IGF1R: variants seen among roughly 807,000 people sequenced by gnomAD.
IGF1R encodes the protein insulin-like growth factor 1 receptor.
IGF1R carries 44 observed loss-of-function variants against 144.6 expected under a neutral mutation model. The ratio of observed to expected loss-of-function variants is 0.30; its 90% CI spans 0.24 to 0.39. The LOEUF (loss-of-function observed/expected upper bound fraction) is 0.39, where lower values mean the gene tolerates loss of function less well. Among genes scored for constraint, IGF1R ranks in the 10% least tolerant of loss-of-function variants. IGF1R has a pLI of 1.00. For synonymous variants in IGF1R, 795 were observed against 722.8 expected, an observed-to-expected ratio of 1.10 and a Z score of -1.60; for missense variants, 1,355 against 1,833.7, an observed-to-expected ratio of 0.74 and a Z score of 4.77.
rs200667190 is a variant in IGF1R at position 98,946,001 on chromosome 15, G to GA, written c.3588-2572dup. Among the ~76,000 whole-genome samples, 11 of 152,020 alleles carry GA rather than the reference G, an allele frequency of 7.2e-5. No individual in the cohort carries two copies. In the East Asian group the frequency reaches 2.1e-3, roughly 30 times the overall value. On this transcript the variant is annotated intron_variant, in intron 19 of 20. Coordinates refer to ENST00000650285, the MANE Select transcript of IGF1R (RefSeq NM_000875.5). ...CTCTTGGGGGTGTGGAAGATGCGGGGATGATGATGATGACGATGATGACGA... is the reference window on the plus strand; with the variant it reads ...CTCTTGGGGGTGTGGAAGATGCGGGGAATGATGATGATGACGATGATGACGA...
intron 2 of IGF1R, among the ~76,000 whole-genome samples, chr15:98,889,778 G>T (rs2013816328): frequency 6.6e-6 from 1 of 152,034 alleles, no homozygotes; most frequent in African/African-American, 2.4e-5. Flanking sequence ...GTGATCTCTG[G>T]TTTTTTTAAT....
intron 2 of IGF1R, among the ~76,000 whole-genome samples, chr15:98,838,762 G>T (rs2011128319): frequency 6.6e-6 from 1 of 152,212 alleles, no homozygotes; most frequent in African/African-American, 2.4e-5. Context: ...TGGCCAAAAG[G>T]CACTCTGAGC....
chr15:98,685,486 T>C (rs2053303535), intron 1 of IGF1R, among the ~76,000 whole-genome samples: 1 of 152,102 alleles, frequency 6.6e-6, no homozygotes, highest in African/African-American at 2.4e-5. Flanking sequence ...TCCCAGTGGG[T>C]TTCCATCAGT....
At chr15:98,794,922 G>A (rs1241507552) in intron 2 of IGF1R, among the ~76,000 whole-genome samples, 1 of 152,046 alleles carries the variant, frequency 6.6e-6, no homozygotes, top group Non-Finnish European at 1.5e-5. Context: ...CATTTGTATT[G>A]TGTCATCCTT....
Position 98,675,826 on chromosome 15 carries a change from C to CTTTCT in IGF1R, c.94+26154_94+26155insCTTTT, listed in dbSNP as rs1442608280. 5.0e-3 allele frequency among the ~76,000 whole-genome samples: 233 copies of CTTTCT among 46,178 alleles called. 4 individuals are homozygous for CTTTCT. Among genetic ancestry groups the CTTTCT allele is most frequent in the African/African-American group, 0.01 (217 of 20,854 alleles). 30.3% of individuals were successfully genotyped at this position (46,178 alleles called of 152,430 possible). On this transcript the variant is annotated intron_variant, in intron 1 of 20. Transcript: ENST00000650285. ...TTTTCTTTTTTTTCTTTCTTTCTTT[C>CTTTCT]TTTTTTTTTTTTTTTTTTTGAGAGA...
chr15:98,893,997 A>G (rs2014055463), intron 3 of IGF1R, among the ~76,000 whole-genome samples: 1 of 152,316 alleles, frequency 6.6e-6, no homozygotes, highest in African/African-American at 2.4e-5. Context: ...TGTTATCAAA[A>G]CACTTCCTTA....
At chr15:98,832,056 C>A (rs2057011311) in intron 2 of IGF1R, among the ~76,000 whole-genome samples, 1 of 152,172 alleles carries the variant, frequency 6.6e-6, no homozygotes, top group Non-Finnish European at 1.5e-5. Context: ...CGCCTCAACA[C>A]TGGAAATAGC....
chr15:98,675,805 CTT>C (rs1179658052), intron 1 of IGF1R, among the ~76,000 whole-genome samples: 1 of 124,552 alleles, frequency 8.0e-6, no homozygotes, highest in Non-Finnish European at 1.7e-5. Flanking sequence ...AATATCTTTT[CTT>C]TTTTTTCTTT....
At chr15:98,664,745 A>G (rs554813403) in intron 1 of IGF1R, among the ~76,000 whole-genome samples, 1 of 151,240 alleles carries the variant, frequency 6.6e-6, no homozygotes, top group South Asian at 2.1e-4. Flanking sequence ...CCAATACTTC[A>G]TGAGTGAATA....
chr15:98,675,910 C>A (rs2053029634), intron 1 of IGF1R, among the ~76,000 whole-genome samples: 1 of 150,546 alleles, frequency 6.6e-6, no homozygotes, highest in Non-Finnish European at 1.5e-5. Flanking sequence ...AAAGCAGCCT[C>A]CCCCTCCCCA....
chr15:98,958,699 A>AG lies in IGF1R; in HGVS notation c.*1258dup, dbSNP rs2017108908. 1 of 194,824 alleles carries AG rather than the reference A, an allele frequency of 5.1e-6. No homozygotes were observed. The highest frequency in any genetic ancestry group is 6.7e-5 in the East Asian group (1 of 15,036). 12.1% of individuals were successfully genotyped at this position (194,824 alleles called of 1,614,324 possible). The stretch of plus-strand genomic sequence containing the variant: ...CAGATATTCATCTATACGTCTGTAC[A>AG]GAAAAAAAAAAGCTGCTATTTTTTT... On this transcript the variant is annotated 3_prime_UTR_variant, in exon 21 of 21. Coordinates refer to ENST00000650285, the MANE Select transcript of IGF1R (RefSeq NM_000875.5).
chr15:98,908,978 T>A, intron 6 of IGF1R, 79 bp downstream of exon 6: 2 of 1,317,562 alleles, frequency 1.5e-6, no homozygotes, highest in South Asian at 1.2e-5. Context: ...TGATGGCAGC[T>A]TTCCTCTGCG....
At chr15:98,787,232 T>C (rs775316927) in intron 2 of IGF1R, among the ~76,000 whole-genome samples, 13 of 152,170 alleles carry the variant, frequency 8.5e-5, no homozygotes, top group Non-Finnish European at 1.6e-4. Flanking sequence ...CTCCTGAATC[T>C]TTCTGGCCTG....
chr15:98,872,733 G>A (rs946774210), intron 2 of IGF1R, among the ~76,000 whole-genome samples: 5 of 152,108 alleles, frequency 3.3e-5, no homozygotes, highest in African/African-American at 1.2e-4. Context: ...TAACCCGAGA[G>A]TCCCTGTTCT....
chr15:98,787,751 C>A (rs73477700), intron 2 of IGF1R, among the ~76,000 whole-genome samples: 7,665 of 152,236 alleles, frequency 0.05, 643 homozygotes, highest in African/African-American at 0.17. Context: ...ATTACTTTTG[C>A]ACCAACAAAT....
intron 1 of IGF1R, among the ~76,000 whole-genome samples, chr15:98,657,167 A>G (rs897097922): frequency 1.3e-5 from 2 of 152,244 alleles, no homozygotes; most frequent in Non-Finnish European, 2.9e-5. Context: ...AATTTAAGTC[A>G]GCCAAAGTTT....
chr15:98,725,174 T>C (rs2054328681), intron 2 of IGF1R, among the ~76,000 whole-genome samples: 3 of 152,218 alleles, frequency 2.0e-5, no homozygotes, highest in Admixed American at 1.3e-4. Flanking sequence ...TGCAGTTTGC[T>C]GCACTAATAC....
At chr15:98,901,469 C>A (rs1431117428) in intron 5 of IGF1R, among the ~76,000 whole-genome samples, 2 of 152,332 alleles carry the variant, frequency 1.3e-5, no homozygotes, top group South Asian at 4.1e-4. Flanking sequence ...GATGAGCTCC[C>A]CAAGAGCTCT....
At position 98,939,396 on chromosome 15, in the gene IGF1R, A is replaced by AG. The variant is rs777107218; in HGVS notation, c.3457+36_3457+37insG. ...AGCTTTCCAGGTCTGGGCAAGAACT[A>AG]AACTCAGGTGTTTTGAGGACTTTGT... On this transcript the variant is annotated intron_variant, in intron 18 of 20. Transcript: ENST00000650285. 6 of 1,610,198 alleles carry AG rather than the reference A, an allele frequency of 3.7e-6. No individual in the cohort carries two copies. The South Asian group carries it at 6.6e-5, about 18-fold the overall frequency.
Sources: allele counts gnomAD v4.1 joint callset (sites outside exome capture counted in the v4.1 genomes callset), GRCh38; gene constraint gnomAD v4.1.1; transcripts MANE v1.5; gene names NCBI Gene and HGNC (gene_info 2026-07-23, HGNC 2026-07-21).